FRMD4B: variants seen among roughly 807,000 people sequenced by gnomAD.
FRMD4B encodes FERM domain-containing protein 4B.
FRMD4B carries 74 observed loss-of-function variants against 141.5 expected under a neutral mutation model. That is an observed-to-expected ratio of 0.52 (90% CI 0.43 to 0.63). The LOEUF is 0.63. FRMD4B is among the 30% of genes least tolerant of loss of function. The probability of loss-of-function intolerance (pLI) is 0.00; values close to 1 mark genes in which losing one functional copy is unlikely to be tolerated. For missense variants in FRMD4B, 1,366 were observed against 1,253.4 expected, an observed-to-expected ratio of 1.09 and a Z score of -1.36; for synonymous variants, 506 against 467.9, an observed-to-expected ratio of 1.08 and a Z score of -1.05.
At chr3:69,230,321 T>C (rs2093295491) in intron 7 of FRMD4B, among the ~76,000 whole-genome samples, 1 of 152,300 alleles carries the variant, frequency 6.6e-6, no homozygotes, top group Non-Finnish European at 1.5e-5. Context: ...TATATGGAGA[T>C]GAAGTGCAAT....
At chr3:69,222,334 G>A (rs2093204212) in intron 8 of FRMD4B, among the ~76,000 whole-genome samples, 1 of 151,890 alleles carries the variant, frequency 6.6e-6, no homozygotes, top group Non-Finnish European at 1.5e-5. Flanking sequence ...GAGTGTTGTG[G>A]CATGTGCCTG....
chr3:69,317,234 A>G (rs1322194564), intron 1 of FRMD4B, among the ~76,000 whole-genome samples: 1 of 152,214 alleles, frequency 6.6e-6, no homozygotes, highest in African/African-American at 2.4e-5. Flanking sequence ...AAACTTAGGC[A>G]TTGGTGGCTA....
chr3:69,382,727 CTTT>C (rs5849898), intron 1 of FRMD4B, among the ~76,000 whole-genome samples: 7,197 of 133,088 alleles, frequency 0.054, 546 homozygotes, highest in African/African-American at 0.18. Context: ...TAAACTGGGA[CTTT>C]TTTTTTTTTT....
chr3:69,425,898 C>A (rs1482181199), intron 2 of FRMD4B, among the ~76,000 whole-genome samples: 3 of 152,156 alleles, frequency 2.0e-5, no homozygotes, highest in East Asian at 3.9e-4. Context: ...CACTATATTA[C>A]CCTCTTATTC....
chr3:69,331,848 G>C (rs1340387771), intron 1 of FRMD4B, among the ~76,000 whole-genome samples: 1 of 152,180 alleles, frequency 6.6e-6, no homozygotes, highest in Non-Finnish European at 1.5e-5. Context: ...CCAGCACTTT[G>C]GGAGGCCGAG....
intron 22 of FRMD4B, among the ~76,000 whole-genome samples, chr3:69,173,749 C>A (rs2092613104): frequency 6.6e-6 from 1 of 152,180 alleles, no homozygotes; most frequent in Non-Finnish European, 1.5e-5. Flanking sequence ...TAAAAAAATA[C>A]ACTTTTCAAT....
At chr3:69,226,496 G>A (rs2093255767) in intron 7 of FRMD4B, among the ~76,000 whole-genome samples, 1 of 150,882 alleles carries the variant, frequency 6.6e-6, no homozygotes, top group Non-Finnish European at 1.5e-5. Context: ...TTTTAATGAA[G>A]GGCAAATGCA....
At chr3:69,473,066 T>G (rs1021450488) in intron 1 of FRMD4B, among the ~76,000 whole-genome samples, 7 of 151,340 alleles carry the variant, frequency 4.6e-5, no homozygotes, top group African/African-American at 1.7e-4. Flanking sequence ...TTAATCCCAC[T>G]CCTTATGATT....
At chr3:69,233,071 C>T (rs1229287667) in intron 7 of FRMD4B, among the ~76,000 whole-genome samples, 1 of 151,738 alleles carries the variant, frequency 6.6e-6, no homozygotes, top group Non-Finnish European at 1.5e-5. Flanking sequence ...CTTTTCTTCT[C>T]CAAGCAAAGC....
At chr3:69,234,765 T>A (rs1423341230) in intron 7 of FRMD4B, among the ~76,000 whole-genome samples, 8 of 152,190 alleles carry the variant, frequency 5.3e-5, no homozygotes, top group African/African-American at 1.9e-4. Context: ...ACCCCAGACC[T>A]ACTGGATCAG....
chr3:69,456,039 C>A (rs532271036), intron 1 of FRMD4B, among the ~76,000 whole-genome samples: 3 of 152,228 alleles, frequency 2.0e-5, no homozygotes, highest in African/African-American at 7.2e-5. Context: ...GTTTCTGGCA[C>A]GTGGTGAAGG....
At chr3:69,361,697 GC>G (rs1703475374) in intron 1 of FRMD4B, among the ~76,000 whole-genome samples, 1 of 152,070 alleles carries the variant, frequency 6.6e-6, no homozygotes, top group Non-Finnish European at 1.5e-5. Context: ...TTTTCTGATC[GC>G]TGAGTAGTAT....
At chr3:69,432,384 C>G (rs1273167602) in intron 2 of FRMD4B, among the ~76,000 whole-genome samples, 2 of 152,094 alleles carry the variant, frequency 1.3e-5, no homozygotes, top group Non-Finnish European at 2.9e-5. Flanking sequence ...AAAATGTAAG[C>G]ATATCATTCA....
chr3:69,291,412 T>C (rs764611618), intron 4 of FRMD4B, among the ~76,000 whole-genome samples: 30 of 152,110 alleles, frequency 2.0e-4, no homozygotes, highest in Non-Finnish European at 3.1e-4. Context: ...AAAAAAAGAG[T>C]TCTGTGATTG....
intron 1 of FRMD4B, among the ~76,000 whole-genome samples, chr3:69,483,587 G>T (rs529977959): frequency 6.6e-6 from 1 of 152,216 alleles, no homozygotes; most frequent in African/African-American, 2.4e-5. Context: ...GGACCATATT[G>T]GGAAATGGTC....
At chr3:69,427,482 C>T (rs1705103041) in intron 2 of FRMD4B, among the ~76,000 whole-genome samples, 1 of 150,402 alleles carries the variant, frequency 6.6e-6, no homozygotes, top group Admixed American at 6.6e-5. Context: ...GAGACATGAA[C>T]CTTAGGGAGA....
At chr3:69,512,934 T>C (rs1384738832) in intron 1 of FRMD4B, among the ~76,000 whole-genome samples, 1 of 152,170 alleles carries the variant, frequency 6.6e-6, no homozygotes, top group Non-Finnish European at 1.5e-5. Flanking sequence ...GGAGAGTTTG[T>C]AGCTGTAAAT....
At chr3:69,285,767 C>G (rs1264440190) in intron 5 of FRMD4B, among the ~76,000 whole-genome samples, 2 of 152,032 alleles carry the variant, frequency 1.3e-5, no homozygotes, top group Non-Finnish European at 2.9e-5. Context: ...TTGCTTGAAC[C>G]TGGCAGGCAG....
rs113188359 is a variant in FRMD4B at position 69,214,682 on chromosome 3, G to T, written c.876+1581C>A. The stretch of plus-strand genomic sequence containing the variant: ...AAGACCAGTCTGGGAAAAATAGTCA[G>T]ACTTTGTCTCTGCAAAAAACTTTCT... On this transcript the variant is annotated intron_variant, in intron 11 of 22. Coordinates refer to ENST00000398540, the MANE Select transcript of FRMD4B (RefSeq NM_015123.3). 1.9e-3 allele frequency among the ~76,000 whole-genome samples: 294 copies of T among 152,078 alleles called. 1 individual carries two copies. The highest frequency in any genetic ancestry group is 6.7e-3 in the African/African-American group (279 of 41,504).
Sources: gnomAD v4.1 joint callset for allele counts (sites outside exome capture counted in the v4.1 genomes callset) on GRCh38, gnomAD v4.1.1 for gene constraint, MANE v1.5 for transcripts, NCBI Gene and HGNC (gene_info 2026-07-23, HGNC 2026-07-21) for gene names.